Variants in VTCN1 observed in about 807,000 individuals in gnomAD.
VTCN1 encodes the protein V-set domain-containing T-cell activation inhibitor 1.
VTCN1 carries 26 observed loss-of-function variants against 26.5 expected under a neutral mutation model. The observed-to-expected ratio is 0.98, with a 90% CI of 0.72 to 1.36. The LOEUF is 1.36. VTCN1 is among the 40% of genes most tolerant of loss of function. The probability of loss-of-function intolerance (pLI) is 0.00; values close to 1 mark genes in which losing one functional copy is unlikely to be tolerated. For synonymous variants in VTCN1, 116 were observed against 130.7 expected, an observed-to-expected ratio of 0.89 and a Z score of 0.77; for missense variants, 298 against 337.7, an observed-to-expected ratio of 0.88 and a Z score of 0.92.
intron 1 of VTCN1, chr1:117,173,268 T>G (rs1244820357): frequency 2.9e-6 from 2 of 692,926 alleles, no homozygotes; most frequent in Admixed American, 2.1e-5. Context: ...CAATTGCAGA[T>G]GTAGTTAGTT....
chr1:117,197,233 G>A (rs1380173813), intron 1 of VTCN1, among the ~76,000 whole-genome samples: 2 of 152,084 alleles, frequency 1.3e-5, no homozygotes, highest in African/African-American at 4.8e-5. Flanking sequence ...CCAGTAATTT[G>A]TCTACTAGAA....
chr1:117,202,111 CTT>C (rs1282515612), intron 1 of VTCN1, among the ~76,000 whole-genome samples: 1 of 152,194 alleles, frequency 6.6e-6, no homozygotes, highest in Non-Finnish European at 1.5e-5. Context: ...CCTCGTAAGA[CTT>C]TAAGAAGCTT....
At chr1:117,190,315 C>A (rs1648182263) in intron 1 of VTCN1, among the ~76,000 whole-genome samples, 1 of 152,244 alleles carries the variant, frequency 6.6e-6, no homozygotes, top group African/African-American at 2.4e-5. Context: ...GCAGTCCTAA[C>A]CACCCAAGAA....
chr1:117,148,998 T>C (rs889050032), intron 4 of VTCN1, among the ~76,000 whole-genome samples: 1 of 152,232 alleles, frequency 6.6e-6, no homozygotes, highest in African/African-American at 2.4e-5. Flanking sequence ...GAGCTACTTA[T>C]GTCCAGCTGC....
Position 117,147,279 on chromosome 1 carries a change from C to T in VTCN1, c.*45+334G>A, listed in dbSNP as rs1430868194. Among the ~76,000 whole-genome samples the T allele has an allele frequency of 6.6e-6, 1 of 152,128 alleles. No individual in the cohort carries two copies. The highest frequency in any genetic ancestry group is 1.9e-4 in the East Asian group (1 of 5,200). ...GAATGATGATATGCTTTATAAATAACAGTGGAATCCAGGGTAATTACTCAG... is the reference window on the plus strand; with the variant it reads ...GAATGATGATATGCTTTATAAATAATAGTGGAATCCAGGGTAATTACTCAG... On this transcript the variant is annotated intron_variant, in intron 5 of 5. Coordinates refer to ENST00000369458, the MANE Select transcript of VTCN1 (RefSeq NM_024626.4). The surrounding 1 kb of genome is among the most constrained non-coding windows in gnomAD (Gnocchi z 4.6).
Position 117,147,854 on chromosome 1 carries a change from A to G in VTCN1, c.725-72T>C. The G allele has an allele frequency of 1.9e-6, 3 of 1,543,394 alleles. No homozygotes were observed. In the South Asian group the frequency reaches 3.8e-5, roughly 19 times the overall value. ...TGTCTTCTTCACATGACTGGTTAGC[A>G]AAGAAAAGTACCTGAAAAACAGAAC... On this transcript the variant is annotated intron_variant, in intron 4 of 5. Transcript: ENST00000369458. The surrounding 1 kb of genome is among the most constrained non-coding windows in gnomAD (Gnocchi z 4.6).
Position 117,167,725 on chromosome 1 carries a change from C to A in VTCN1, c.97+2382G>T, listed in dbSNP as rs1389136519. Reference sequence around the variant, plus strand: ...CTTGTGAGCTGCTTTTTTAAGCACTCACACTCCTTGTGAGCTGCTTTATTT... The same window carrying A: ...CTTGTGAGCTGCTTTTTTAAGCACTAACACTCCTTGTGAGCTGCTTTATTT... On this transcript the variant is annotated intron_variant, in intron 2 of 5. Transcript: ENST00000369458. The surrounding 1 kb of genome is among the most constrained non-coding windows in gnomAD (Gnocchi z 4.1). Among the ~76,000 whole-genome samples, 2 of 152,086 alleles carry A rather than the reference C, an allele frequency of 1.3e-5. No homozygotes were observed. Among genetic ancestry groups the A allele is most frequent in the South Asian group, 2.1e-4 (1 of 4,826 alleles).
At chr1:117,172,501 T>C in intron 1 of VTCN1, 1 of 518,610 alleles carries the variant, frequency 1.9e-6, no homozygotes. Context: ...CTTTGACTAC[T>C]GACACAGGCA....
At chr1:117,209,724 C>T (rs967969610) in intron 1 of VTCN1, among the ~76,000 whole-genome samples, 2 of 152,210 alleles carry the variant, frequency 1.3e-5, no homozygotes, top group African/African-American at 2.4e-5. Flanking sequence ...GCAGAAGTGC[C>T]GCTGCAGCCA....
At chr1:117,168,012 A>C (rs542234142) in intron 2 of VTCN1, among the ~76,000 whole-genome samples, 306 of 152,232 alleles carry the variant, frequency 2.0e-3, no homozygotes, top group African/African-American at 6.2e-3. Flanking sequence ...GAGAAAAAAA[A>C]CCGAAATTAT....
rs556362533 is a variant in VTCN1 at position 117,199,477 on chromosome 1, C to G, written c.32+11347G>C. ...AGTAGCTGGGATTGCAGATGCCCAC[C>G]ACCACGTCCAGCAAATTTTTATATT... On this transcript the variant is annotated intron_variant, in intron 1 of 5. Transcript: ENST00000369458. 1.4e-4 allele frequency among the ~76,000 whole-genome samples: 21 copies of G among 152,240 alleles called. No individual in the cohort carries two copies. The East Asian group carries it at 4.1e-3, about 29-fold the overall frequency.
rs1426931743 is a variant in VTCN1 at position 117,170,139 on chromosome 1, G to C, written c.65C>G (p.Ala22Gly). 2 of 1,613,928 alleles carry C rather than the reference G, an allele frequency of 1.2e-6. No homozygotes were observed. Among genetic ancestry groups the C allele is most frequent in the Non-Finnish European group, 1.7e-6 (2 of 1,179,938 alleles). The change falls in exon 2 of 6, where the codon GCA (alanine) becomes GGA (glycine). Residue 22 changes from alanine (A) to glycine (G), a missense_variant. Physicochemically the swap from Ala to Gly is moderately conservative, Grantham distance 60. Coordinates refer to ENST00000369458, the MANE Select transcript of VTCN1 (RefSeq NM_024626.4). ...IISIIIILAG[A>G]IALIIGFGIS... ...ACCAAAGCCAATGATGAGTGCAATT[G>C]CTCCAGCCAGAATAATGATGATGCT...
intron 1 of VTCN1, among the ~76,000 whole-genome samples, chr1:117,196,451 T>C (rs966843668): frequency 1.3e-5 from 2 of 151,582 alleles, no homozygotes; most frequent in Admixed American, 1.3e-4. Context: ...GAAGGACATA[T>C]AAATAGTGGT....
At chr1:117,173,240 A>T (rs1205304219) in intron 1 of VTCN1, 1 of 710,666 alleles carries the variant, frequency 1.4e-6, no homozygotes, top group East Asian at 2.7e-5. Context: ...ACCCACCAGA[A>T]GGAATAAATT....
intron 1 of VTCN1, among the ~76,000 whole-genome samples, chr1:117,179,061 C>T (rs1448818355): frequency 6.6e-6 from 1 of 152,168 alleles, no homozygotes; most frequent in Admixed American, 6.5e-5. Flanking sequence ...TGACACTCAT[C>T]CATGCACATT....
At chr1:117,185,735 T>A (rs1045592273) in intron 1 of VTCN1, among the ~76,000 whole-genome samples, 4 of 152,144 alleles carry the variant, frequency 2.6e-5, no homozygotes, top group Non-Finnish European at 5.9e-5. Flanking sequence ...CAAGCTCTTA[T>A]CATAACCTAG....
chr1:117,172,707 T>C (rs571658584), intron 1 of VTCN1, among the ~76,000 whole-genome samples: 1 of 152,258 alleles, frequency 6.6e-6, no homozygotes, highest in African/African-American at 2.4e-5. Context: ...TACTTACTAA[T>C]GGGGTCATTG....
At chr1:117,151,221 G>A (rs1390390106) in intron 4 of VTCN1, among the ~76,000 whole-genome samples, 1 of 148,192 alleles carries the variant, frequency 6.7e-6, no homozygotes, top group Non-Finnish European at 1.5e-5. Flanking sequence ...TTTTTGGAGA[G>A]TGTTACAATT....
At position 117,192,448 on chromosome 1, in the gene VTCN1, A is replaced by T. The variant is rs145004649; in HGVS notation, c.32+18376T>A. The stretch of plus-strand genomic sequence containing the variant: ...GCTAAGTAACAATATGAAAGCATAT[A>T]AAAGTATAAAATTCACTGGAAAAAG... On this transcript the variant is annotated intron_variant, in intron 1 of 5. Transcript: ENST00000369458. 9.4e-4 allele frequency among the ~76,000 whole-genome samples: 143 copies of T among 152,340 alleles called. 1 individual carries two copies. The highest frequency in any genetic ancestry group is 2.7e-3 in the African/African-American group (114 of 41,590).
Sources: allele counts gnomAD v4.1 joint callset (sites outside exome capture counted in the v4.1 genomes callset), GRCh38; gene constraint gnomAD v4.1.1; non-coding constraint Gnocchi (gnomAD v3.1); transcripts MANE v1.5; gene names NCBI Gene and HGNC (gene_info 2026-07-23, HGNC 2026-07-21).